The following ECPAS variants were observed in gnomAD, a reference collection of about 807,000 sequenced individuals.
ECPAS encodes the protein proteasome adapter and scaffold protein ECM29.
In ECPAS, 70 loss-of-function variants were observed where a neutral mutation model predicts 255.1. The observed-to-expected ratio is 0.27, with a 90% CI of 0.23 to 0.33. The LOEUF is 0.33. Ranked by LOEUF, ECPAS falls within the 10% of genes least tolerant of loss-of-function variation. ECPAS has a pLI of 1.00. For synonymous variants in ECPAS, 784 were observed against 775.0 expected (o/e 1.01, Z -0.19); for missense variants, 1,817 against 2,206.4 (o/e 0.82, Z 3.54).
At chr9:111,410,493 C>T (rs1292542659) in intron 22 of ECPAS, among the ~76,000 whole-genome samples, 1 of 151,712 alleles carries the variant, frequency 6.6e-6, no homozygotes, top group African/African-American at 2.4e-5. Flanking sequence ...AAATAGAGTG[C>T]TTTCATTGCT....
chr9:111,411,891 G>T, intron 21 of ECPAS, 123 bp downstream of exon 21: 1 of 832,466 alleles, frequency 1.2e-6, no homozygotes, highest in African/African-American at 1.8e-5. Flanking sequence ...TACTCTTTAT[G>T]GTCATAAAAG....
chr9:111,420,974 T>C (rs2098212655), intron 15 of ECPAS, among the ~76,000 whole-genome samples: 1 of 152,230 alleles, frequency 6.6e-6, no homozygotes, highest in Non-Finnish European at 1.5e-5. Flanking sequence ...ATTTGATCTG[T>C]GTGCGTAGAA....
At position 111,375,128 on chromosome 9, in the gene ECPAS, T is replaced by C. The variant is rs1296766324; in HGVS notation, c.4095A>G (p.Val1365=). ...PRLCELIRSG[V]GLGTKGGCAS... ...GTACACTTACCTTAGTTCCAAGACC[T>C]ACACCACTTCTGATCAGTTCACACA... Residue 1365 remains valine, a synonymous_variant, in exon 38 of 50, where the codon GTA becomes GTG. Transcript: ENST00000684092. The C allele has an allele frequency of 6.2e-7, 1 of 1,613,294 alleles. No individual in the cohort carries two copies. The highest frequency in any genetic ancestry group is 1.3e-5 in the African/African-American group (1 of 75,028).
intron 5 of ECPAS, among the ~76,000 whole-genome samples, chr9:111,441,688 G>T (rs1350175020): frequency 1.3e-5 from 2 of 152,136 alleles, no homozygotes; most frequent in Non-Finnish European, 2.9e-5. Context: ...AACAGTACTT[G>T]TAATGTCTAT....
intron 2 of ECPAS, among the ~76,000 whole-genome samples, chr9:111,470,787 C>CACACACAG (rs1440080089): frequency 6.7e-6 from 1 of 150,104 alleles, no homozygotes; most frequent in Non-Finnish European, 1.5e-5. Context: ...CACACACACA[C>CACACACAG]AGAGGAAGGG....
chr9:111,483,962 C>A, intron 1 of ECPAS, 154 bp downstream of exon 1: 1 of 981,858 alleles, frequency 1.0e-6, no homozygotes, highest in South Asian at 4.6e-5. Context: ...CGCCCTCGCT[C>A]GCTCGCGGCT....
At position 111,444,448 on chromosome 9, in the gene ECPAS, G is replaced by A. The variant is rs1389685649; in HGVS notation, c.200C>T (p.Pro67Leu). 1 of 1,613,858 alleles carries A rather than the reference G, an allele frequency of 6.2e-7. No individual in the cohort carries two copies. Among genetic ancestry groups the A allele is most frequent in the Non-Finnish European group, 8.5e-7 (1 of 1,179,832 alleles). Residue 67 changes from proline to leucine, a missense_variant, in exon 4 of 50, where the codon CCC becomes CTC. Physicochemically the swap from Pro to Leu is moderately conservative, Grantham distance 98. Coordinates refer to ENST00000684092, the MANE Select transcript of ECPAS (RefSeq NM_001364929.1). ...TGTCTCTACTGGAAGTTGTATTTTGGGGCGGCTTTTTATACGTTTATTCAG... is the reference window on the plus strand; with the variant it reads ...TGTCTCTACTGGAAGTTGTATTTTGAGGCGGCTTTTTATACGTTTATTCAG... ...VHLNKRIKSR[P>L]KIQLPVETLL...
chr9:111,382,057 G>A (rs902750500), intron 35 of ECPAS, among the ~76,000 whole-genome samples: 1 of 150,008 alleles, frequency 6.7e-6, no homozygotes, highest in Admixed American at 6.6e-5. Context: ...TCCTTCCTAG[G>A]CAATGCTGTG....
intron 2 of ECPAS, among the ~76,000 whole-genome samples, chr9:111,467,276 T>C (rs954970060): frequency 4.6e-5 from 7 of 152,004 alleles, no homozygotes; most frequent in Non-Finnish European, 1.0e-4. Context: ...AGAAGAGAAA[T>C]CAGTTTCCTT....
chr9:111,411,968 T>TAA, intron 21 of ECPAS, 46 bp downstream of exon 21: 1 of 1,462,888 alleles, frequency 6.8e-7, no homozygotes, highest in Non-Finnish European at 9.0e-7. Flanking sequence ...GATCCTTTTA[T>TAA]AAAACCCTAT....
chr9:111,449,520 A>G (rs564998718), intron 3 of ECPAS, among the ~76,000 whole-genome samples: 11 of 152,310 alleles, frequency 7.2e-5, no homozygotes, highest in African/African-American at 2.6e-4. Context: ...AAAAAGAATA[A>G]TAGTATGATA....
At chr9:111,483,116 G>A (rs1328926604) in intron 1 of ECPAS, among the ~76,000 whole-genome samples, 2 of 152,180 alleles carry the variant, frequency 1.3e-5, no homozygotes, top group African/African-American at 4.8e-5. Flanking sequence ...CCAGCCGTCG[G>A]GGACCCGGGG....
chr9:111,465,844 G>A (rs914378376), intron 2 of ECPAS, among the ~76,000 whole-genome samples: 3 of 151,154 alleles, frequency 2.0e-5, no homozygotes, highest in African/African-American at 4.9e-5. Context: ...GACCAGCCTC[G>A]GCAACACAGC....
rs2098189131 is a variant in ECPAS, at chr9:111,408,745, A to G, written c.2551-73T>C. 9 of 864,474 alleles carry G rather than the reference A, an allele frequency of 1.0e-5. No individual in the cohort carries two copies. In the South Asian group the frequency reaches 2.0e-4, roughly 19 times the overall value. 53.6% of individuals were successfully genotyped at this position (864,474 alleles called of 1,614,324 possible). A position where few individuals can be genotyped will look rare whatever the true frequency, so the allele number is the denominator to read the frequency against. ...TTTACCCCAGTGCAGTATTTCCAAA[A>G]TGAGATGACAGGGAAGCGCAGTCTA... On this transcript the variant is annotated intron_variant, in intron 23 of 49. Transcript: ENST00000684092.
intron 35 of ECPAS, among the ~76,000 whole-genome samples, chr9:111,382,372 C>G (rs769067056): frequency 3.3e-5 from 5 of 150,574 alleles, no homozygotes; most frequent in Non-Finnish European, 7.4e-5. Flanking sequence ...TCAAGCGACT[C>G]TCCTGCCTCA....
intron 13 of ECPAS, 79 bp from the exon 14 acceptor site, chr9:111,422,279 A>G: frequency 7.0e-7 from 1 of 1,432,840 alleles, no homozygotes; most frequent in Non-Finnish European, 9.7e-7. Flanking sequence ...ACTAAACACA[A>G]ATTTTCCTGA....
intron 24 of ECPAS, among the ~76,000 whole-genome samples, chr9:111,399,885 T>C (rs902329236): frequency 1.3e-5 from 2 of 152,200 alleles, no homozygotes; most frequent in African/African-American, 2.4e-5. Flanking sequence ...AGCCTCATCT[T>C]TGAAAAAGCA....
intron 42 of ECPAS, 64 bp downstream of exon 42, chr9:111,372,365 T>C: frequency 4.9e-6 from 7 of 1,437,298 alleles, no homozygotes; most frequent in Non-Finnish European, 5.8e-6. Context: ...GAATAACGAA[T>C]GCAAGTAAAA....
chr9:111,442,382 G>A lies in ECPAS; in HGVS notation c.313C>T (p.Pro105Ser), dbSNP rs2131905702. 1.2e-6 allele frequency: 2 copies of A among 1,612,670 alleles called. No homozygotes were observed. The highest frequency in any genetic ancestry group is 1.7e-6 in the Non-Finnish European group (2 of 1,179,240). Reference sequence around the variant, plus strand: ...GCCAGTTCACATTGTTTTTCCACTGGTAGGCGAGGATAGCCCATTTTAACA... The same window carrying A: ...GCCAGTTCACATTGTTTTTCCACTGATAGGCGAGGATAGCCCATTTTAACA... ...IYVKMGYPRL[P>S]VEKQCELAPT... The change falls in exon 5 of 50, where the codon CCA (proline) becomes TCA (serine). Residue 105 changes from proline to serine, a missense_variant. By Grantham distance (74) the Pro-to-Ser change is moderately conservative (BLOSUM62 -1). Transcript: ENST00000684092.
Sources: allele counts gnomAD v4.1 joint callset (sites outside exome capture counted in the v4.1 genomes callset), GRCh38; gene constraint gnomAD v4.1.1; transcripts MANE v1.5; gene names NCBI Gene and HGNC (gene_info 2026-07-23, HGNC 2026-07-21).